The following R3HDM1 variants were observed in gnomAD, a reference collection of about 807,000 sequenced individuals.
R3HDM1 encodes the protein R3H domain-containing protein 1.
In R3HDM1, 46 loss-of-function variants were observed where a neutral mutation model predicts 141.1. That is an observed-to-expected ratio of 0.33 (90% CI 0.26 to 0.42). The LOEUF (loss-of-function observed/expected upper bound fraction) is 0.42. Among genes scored for constraint, R3HDM1 ranks in the 10% least tolerant of loss-of-function variants. The pLI is 1.00. For missense variants in R3HDM1, 1,184 were observed against 1,368.3 expected (o/e 0.87, Z 2.12); for synonymous variants, 435 against 472.9 (o/e 0.92, Z 1.04).
rs1433964818 is a variant in R3HDM1, at chr2:135,717,712, TACAG to T, written c.2881+2020_2881+2023del. ...ATTTAAAAAATAATGTTGGTAAAGATACAGAGCTACTAAAATTCTCACACATTGG... is the reference window on the plus strand; with the variant it reads ...ATTTAAAAAATAATGTTGGTAAAGATAGCTACTAAAATTCTCACACATTGG... On this transcript the variant is annotated intron_variant, in intron 24 of 26. Transcript: ENST00000683871. Among the ~76,000 whole-genome samples the T allele has an allele frequency of 2.6e-5, 4 of 152,242 alleles. No homozygotes were observed. The East Asian group carries it at 7.7e-4, about 29-fold the overall frequency.
intron 22 of R3HDM1, among the ~76,000 whole-genome samples, 172 bp downstream of exon 22, chr2:135,709,708 T>G (rs1233316833): frequency 3.3e-5 from 5 of 152,218 alleles, no homozygotes; most frequent in Non-Finnish European, 7.3e-5. Flanking sequence ...CACTTCTTCC[T>G]TTCCTTCTAC....
chr2:135,631,796 CAAGAA>C lies in R3HDM1; in HGVS notation c.557+26_557+30del. Reference sequence around the variant, plus strand: ...ATAATGAGTAAGTCCTGACATTCAACAAGAAAAGAAATTGTCATCACCATTCTCCT... The same window carrying C: ...ATAATGAGTAAGTCCTGACATTCAACAAGAAATTGTCATCACCATTCTCCT... On this transcript the variant is annotated intron_variant, in intron 8 of 26. Coordinates refer to ENST00000683871, the MANE Select transcript of R3HDM1 (RefSeq NM_001378107.1). The C allele has an allele frequency of 6.4e-7, 1 of 1,564,288 alleles. No homozygotes were observed. Among genetic ancestry groups the C allele is most frequent in the Non-Finnish European group, 8.6e-7 (1 of 1,157,142 alleles).
chr2:135,640,070 G>C (rs2063632166), intron 14 of R3HDM1, among the ~76,000 whole-genome samples: 1 of 150,784 alleles, frequency 6.6e-6, no homozygotes, highest in African/African-American at 2.4e-5. Context: ...CTGCACTCCA[G>C]CCTGGGCAAC....
Position 135,638,642 on chromosome 2 carries a change from A to C in R3HDM1, c.928A>C (p.Ile310Leu), listed in dbSNP as rs34088964. 1,535 of 1,610,556 alleles carry C rather than the reference A, an allele frequency of 9.5e-4. 2 individuals are homozygous for C. The highest frequency in any genetic ancestry group is 1.2e-3 in the Non-Finnish European group (1,466 of 1,177,002). Reference protein sequence around the residue: ...QDSLCSQENYIIDKRLQDEDA... With the variant: ...QDSLCSQENYLIDKRLQDEDA... Reference sequence around the variant, plus strand: ...GTCCCTGTGTTCCCAAGAGAATTACATTATTGACAAAAGGTGAGGGAATTT... The same window carrying C: ...GTCCCTGTGTTCCCAAGAGAATTACCTTATTGACAAAAGGTGAGGGAATTT... Residue 310 changes from isoleucine to leucine, a missense_variant, in exon 12 of 27, where the codon ATT (isoleucine) becomes CTT (leucine). By Grantham distance (5) the Ile-to-Leu change is conservative. Coordinates refer to ENST00000683871, the MANE Select transcript of R3HDM1 (RefSeq NM_001378107.1).
At chr2:135,663,134 C>CAAA (rs555551580) in intron 19 of R3HDM1, among the ~76,000 whole-genome samples, 3 of 90,856 alleles carry the variant, frequency 3.3e-5, no homozygotes, top group African/African-American at 6.8e-5. Context: ...GCCTCTCTGC[C>CAAA]AAAAAAAAAA....
intron 15 of R3HDM1, among the ~76,000 whole-genome samples, chr2:135,644,791 A>G (rs1284790448): frequency 6.6e-6 from 1 of 152,152 alleles, no homozygotes; most frequent in East Asian, 1.9e-4. Flanking sequence ...CGCAATTCAG[A>G]GTTTTTCAGG....
intron 1 of R3HDM1, among the ~76,000 whole-genome samples, chr2:135,548,999 T>C (rs1699294445): frequency 6.6e-6 from 1 of 152,208 alleles, no homozygotes; most frequent in Non-Finnish European, 1.5e-5. Flanking sequence ...TATGATTTCT[T>C]GTTCTCAGTA....
chr2:135,671,968 T>G (rs2068436876), intron 19 of R3HDM1, among the ~76,000 whole-genome samples: 1 of 150,492 alleles, frequency 6.6e-6, no homozygotes, highest in Non-Finnish European at 1.5e-5. Flanking sequence ...AGAGTGAGAC[T>G]CTGTCTCAAA....
intron 23 of R3HDM1, among the ~76,000 whole-genome samples, chr2:135,715,319 C>T (rs1045945706): frequency 5.9e-5 from 9 of 152,028 alleles, no homozygotes; most frequent in African/African-American, 2.2e-4. Flanking sequence ...TTGCAGTGAG[C>T]TGTGATTGCG....
intron 2 of R3HDM1, among the ~76,000 whole-genome samples, chr2:135,604,283 A>G (rs1475088973): frequency 6.6e-6 from 1 of 152,206 alleles, no homozygotes; most frequent in Non-Finnish European, 1.5e-5. Context: ...ATCCAGATGA[A>G]AAAGCTATTA....
At chr2:135,622,809 T>G in intron 7 of R3HDM1, 77 bp downstream of exon 7, 1 of 1,425,866 alleles carries the variant, frequency 7.0e-7, no homozygotes, top group Non-Finnish European at 9.2e-7. Context: ...ATTATTGAGT[T>G]AGAGTAATAG....
intron 1 of R3HDM1, among the ~76,000 whole-genome samples, chr2:135,575,178 A>G (rs1705113022): frequency 1.3e-5 from 2 of 152,196 alleles, no homozygotes; most frequent in Non-Finnish European, 2.9e-5. Context: ...AGAAATTCCA[A>G]AATGCAAAAA....
intron 19 of R3HDM1, among the ~76,000 whole-genome samples, chr2:135,668,643 C>CT (rs1409782609): frequency 1.3e-5 from 2 of 152,198 alleles, no homozygotes; most frequent in Non-Finnish European, 2.9e-5. Context: ...GAATGAAATG[C>CT]TACTCAGTGG....
intron 1 of R3HDM1, chr2:135,590,532 C>CA: frequency 2.0e-6 from 2 of 984,338 alleles, no homozygotes; most frequent in Non-Finnish European, 2.4e-6. Context: ...AATAAAGCCA[C>CA]AAAAAAATAA....
chr2:135,669,430 G>A (rs2067997746), intron 19 of R3HDM1: 1 of 983,974 alleles, frequency 1.0e-6, no homozygotes, highest in Admixed American at 6.2e-5. Flanking sequence ...CTTGTTGATT[G>A]ACATTATTTC....
At chr2:135,673,309 A>G (rs1469800258) in intron 19 of R3HDM1, among the ~76,000 whole-genome samples, 1 of 152,136 alleles carries the variant, frequency 6.6e-6, no homozygotes, top group African/African-American at 2.4e-5. Flanking sequence ...TCCAGTCTAT[A>G]CAGAACCCAA....
intron 21 of R3HDM1, among the ~76,000 whole-genome samples, chr2:135,708,095 C>G (rs1575167031): frequency 6.6e-6 from 1 of 152,310 alleles, no homozygotes; most frequent in East Asian, 1.9e-4. Context: ...ATATAAATCT[C>G]TGCCTCTTCT....
chr2:135,606,288 A>G (rs2060041308), intron 3 of R3HDM1: 1 of 152,182 alleles, frequency 6.6e-6, no homozygotes, highest in Admixed American at 6.5e-5. Context: ...AGAATGTTCC[A>G]AGAAAGCCAA....
intron 3 of R3HDM1, among the ~76,000 whole-genome samples, chr2:135,611,379 T>C (rs2060536294): frequency 6.6e-6 from 1 of 152,112 alleles, no homozygotes; most frequent in South Asian, 2.1e-4. Flanking sequence ...CCAGCCTGAG[T>C]GACAGAGTCA....
Sources: gnomAD v4.1 joint callset for allele counts (sites outside exome capture counted in the v4.1 genomes callset) on GRCh38, gnomAD v4.1.1 for gene constraint, MANE v1.5 for transcripts, NCBI Gene and HGNC (gene_info 2026-07-23, HGNC 2026-07-21) for gene names.